Variants in OPCML observed in about 807,000 individuals in gnomAD.
OPCML encodes opioid-binding protein/cell adhesion molecule.
In OPCML, 13 loss-of-function variants were observed where a neutral mutation model predicts 37.8. That is an observed-to-expected ratio of 0.34 (90% CI 0.22 to 0.55). The LOEUF (loss-of-function observed/expected upper bound fraction) is 0.55. Ranked by LOEUF, OPCML falls within the 20% of genes least tolerant of loss-of-function variation. The probability of loss-of-function intolerance (pLI) is 0.91; values close to 1 mark genes in which losing one functional copy is unlikely to be tolerated. For missense variants in OPCML, 341 were observed against 435.6 expected, an observed-to-expected ratio of 0.78 and a Z score of 1.93; for synonymous variants, 176 against 168.8, an observed-to-expected ratio of 1.04 and a Z score of -0.33.
chr11:133,491,047 C>T (rs1428639994), intron 1 of OPCML, among the ~76,000 whole-genome samples: 1 of 152,216 alleles, frequency 6.6e-6, no homozygotes, highest in Non-Finnish European at 1.5e-5. Flanking sequence ...GTTTATTAAA[C>T]ATTTATCGAA....
chr11:133,178,102 T>A (rs1372410153), intron 1 of OPCML, among the ~76,000 whole-genome samples: 2 of 152,138 alleles, frequency 1.3e-5, no homozygotes, highest in South Asian at 4.2e-4. Flanking sequence ...TGCTCTAAAG[T>A]CAGGAGCTCT....
intron 2 of OPCML, among the ~76,000 whole-genome samples, chr11:132,888,077 C>A (rs907948215): frequency 1.3e-5 from 2 of 152,096 alleles, no homozygotes; most frequent in Admixed American, 1.3e-4. Context: ...AGAGAAATTA[C>A]TGGCAAAGAG....
At position 132,782,214 on chromosome 11, in the gene OPCML, G is replaced by A. The variant is rs537294526; in HGVS notation, c.147-124895C>T. On this transcript the variant is annotated intron_variant, in intron 2 of 7. Transcript: ENST00000524381. The stretch of plus-strand genomic sequence containing the variant: ...AATGAAGTGAGGAGAGGAAGCGAAC[G>A]CACCGAGACTTAAGAGCTGCAGGTG... Among the ~76,000 whole-genome samples the A allele has an allele frequency of 2.6e-5, 4 of 151,578 alleles. No homozygotes were observed. In the East Asian group the frequency reaches 5.9e-4, roughly 22 times the overall value.
At chr11:132,449,470 C>T (rs1178719950) in intron 4 of OPCML, among the ~76,000 whole-genome samples, 2 of 152,098 alleles carry the variant, frequency 1.3e-5, no homozygotes, top group Non-Finnish European at 2.9e-5. Context: ...GAAAATGATG[C>T]TTCTACCTAC....
At chr11:133,510,010 G>A (rs1948120442) in intron 1 of OPCML, among the ~76,000 whole-genome samples, 1 of 152,168 alleles carries the variant, frequency 6.6e-6, no homozygotes, top group Admixed American at 6.5e-5. Flanking sequence ...GCCATGTGGG[G>A]AAGTCTTTAA....
At chr11:132,466,930 G>T (rs923298238) in intron 4 of OPCML, among the ~76,000 whole-genome samples, 6 of 152,158 alleles carry the variant, frequency 3.9e-5, no homozygotes, top group Non-Finnish European at 8.8e-5. Context: ...TTTGAAAAAA[G>T]AAGGAAAGAA....
intron 1 of OPCML, among the ~76,000 whole-genome samples, chr11:133,378,656 T>A (rs1359431151): frequency 2.0e-5 from 3 of 151,404 alleles, no homozygotes; most frequent in Non-Finnish European, 4.4e-5. Flanking sequence ...CGAATTTCTT[T>A]CTTTTCTTTC....
rs117123550 is a variant in OPCML, at chr11:133,044,401, A to G, written c.62-101391T>C. ...GAGCATGGGGAACAGAGAACAGGGG[A>G]GTAGGTAAGCTCACTAAGGAGAGAG... is the stretch of plus-strand genomic sequence containing the variant. On this transcript the variant is annotated intron_variant, in intron 1 of 7. Transcript: ENST00000524381. Among the ~76,000 whole-genome samples, 573 of 152,258 alleles carry G rather than the reference A, an allele frequency of 3.8e-3. 2 individuals are homozygous for G. Among genetic ancestry groups the G allele is most frequent in the Non-Finnish European group, 5.7e-3 (385 of 68,022 alleles).
intron 7 of OPCML, among the ~76,000 whole-genome samples, chr11:132,430,750 C>T (rs1043318309): frequency 6.6e-6 from 1 of 152,158 alleles, no homozygotes; most frequent in African/African-American, 2.4e-5. Context: ...TCTCTGCAGT[C>T]TCCCCCCTCC....
intron 1 of OPCML, among the ~76,000 whole-genome samples, chr11:133,141,469 A>C (rs1013934579): frequency 1.3e-5 from 2 of 152,088 alleles, no homozygotes; most frequent in African/African-American, 4.8e-5. Flanking sequence ...GGGCAGCCCT[A>C]GCCTTTTCCC....
intron 1 of OPCML, among the ~76,000 whole-genome samples, chr11:133,483,754 A>C (rs1947443894): frequency 6.7e-6 from 1 of 148,396 alleles, no homozygotes; most frequent in Non-Finnish European, 1.5e-5. Flanking sequence ...TCATAGATTC[A>C]TAGAGAGAAA....
chr11:132,945,012 T>C (rs563238098), intron 1 of OPCML, among the ~76,000 whole-genome samples: 1 of 152,400 alleles, frequency 6.6e-6, no homozygotes, highest in South Asian at 2.1e-4. Flanking sequence ...CTTTCAGTTC[T>C]GAGAGAAGGA....
intron 7 of OPCML, among the ~76,000 whole-genome samples, chr11:132,433,401 C>A (rs2096003772): frequency 6.6e-6 from 1 of 152,184 alleles, no homozygotes; most frequent in African/African-American, 2.4e-5. Context: ...ATCCACACAT[C>A]TAAATGTAGC....
intron 1 of OPCML, chr11:133,298,359 T>A (rs1254340344): frequency 6.6e-6 from 1 of 151,976 alleles, no homozygotes; most frequent in Non-Finnish European, 1.5e-5. Flanking sequence ...AGACAGAAAA[T>A]GGTAAAAATC....
intron 3 of OPCML, among the ~76,000 whole-genome samples, chr11:132,551,224 C>T (rs1005429310): frequency 1.6e-4 from 24 of 152,284 alleles, no homozygotes; most frequent in South Asian, 4.1e-4. Flanking sequence ...AGACCACGTA[C>T]GCTAGAATTA....
chr11:132,468,324 A>C (rs751972642), intron 4 of OPCML, among the ~76,000 whole-genome samples: 3 of 152,124 alleles, frequency 2.0e-5, no homozygotes, highest in Non-Finnish European at 4.4e-5. Flanking sequence ...CTTTCTATCC[A>C]TACCCCCATC....
chr11:133,441,827 T>C (rs535848507), intron 1 of OPCML, among the ~76,000 whole-genome samples: 6 of 152,286 alleles, frequency 3.9e-5, no homozygotes, highest in Non-Finnish European at 8.8e-5. Context: ...TTCTATATCA[T>C]ATATATGTGT....
intron 2 of OPCML, among the ~76,000 whole-genome samples, chr11:132,760,556 CCTT>C (rs1356888417): frequency 2.7e-5 from 4 of 150,048 alleles, no homozygotes; most frequent in African/African-American, 9.9e-5. Flanking sequence ...TATGTAATGC[CCTT>C]CTTTTTTTTT....
intron 1 of OPCML, among the ~76,000 whole-genome samples, chr11:133,501,293 C>T (rs976936340): frequency 2.6e-5 from 4 of 152,146 alleles, no homozygotes; most frequent in African/African-American, 9.7e-5. Flanking sequence ...AGGGACCCCC[C>T]CACGGTACAG....
Sources: gnomAD v4.1 joint callset for allele counts (sites outside exome capture counted in the v4.1 genomes callset) on GRCh38, gnomAD v4.1.1 for gene constraint, MANE v1.5 for transcripts, NCBI Gene and HGNC (gene_info 2026-07-23, HGNC 2026-07-21) for gene names.